The following ZNF239 variants were observed in gnomAD, a reference collection of about 807,000 sequenced individuals.
The protein encoded by ZNF239 is zinc finger protein (C2H2) homologous to mouse MOK-2.
In ZNF239, 16 loss-of-function variants were observed where a neutral mutation model predicts 27.5. The ratio of observed to expected loss-of-function variants is 0.58; its 90% CI spans 0.39 to 0.88. The LOEUF (loss-of-function observed/expected upper bound fraction) is 0.88, where lower values mean the gene tolerates loss of function less well. Ranked by LOEUF, ZNF239 falls within the 40% of genes least tolerant of loss-of-function variation. The probability of loss-of-function intolerance (pLI) is 0.00; values close to 1 mark genes in which losing one functional copy is unlikely to be tolerated. For synonymous variants in ZNF239, 199 were observed against 192.6 expected (o/e 1.03, Z -0.27); for missense variants, 527 against 551.9 (o/e 0.95, Z 0.45).
intron 2 of ZNF239, among the ~76,000 whole-genome samples, chr10:43,571,301 AC>A (rs1272213112): frequency 6.7e-6 from 1 of 148,970 alleles, no homozygotes; most frequent in East Asian, 2.0e-4. Flanking sequence ...AGGAAGAGGC[AC>A]ACTAGATTAC....
At position 43,557,868 on chromosome 10, in the gene ZNF239, T is replaced by A. The variant is rs1175197812; in HGVS notation, c.212A>T (p.Gln71Leu). 6.2e-7 allele frequency: 1 copy of A among 1,614,254 alleles called. No homozygotes were observed. Among genetic ancestry groups the A allele is most frequent in the Admixed American group, 1.7e-5 (1 of 60,036 alleles). The change falls in exon 4 of 4, where the codon CAA becomes CTA. Residue 71 changes from glutamine (Q) to leucine (L), a missense_variant. Gln to Leu is a moderately radical substitution (Grantham distance 113). Coordinates refer to ENST00000374446, the MANE Select transcript of ZNF239 (RefSeq NM_001099282.2). Reference sequence around the variant, plus strand: ...CACTGAAGAGTCTTGTGTGTCTATTTGGCTTGAGACTTTCAAAGGCAAATA... The same window carrying A: ...CACTGAAGAGTCTTGTGTGTCTATTAGGCTTGAGACTTTCAAAGGCAAATA... ...ETYLPLKVSS[Q>L]IDTQDSSVKF...
chr10:43,564,599 T>G (rs1333599160), intron 3 of ZNF239, among the ~76,000 whole-genome samples: 1 of 152,104 alleles, frequency 6.6e-6, no homozygotes, highest in Non-Finnish European at 1.5e-5. Flanking sequence ...TGGAGAATTT[T>G]GCTCTCTGAA....
chr10:43,573,592 A>G (rs892004414), intron 2 of ZNF239, 45 bp downstream of exon 2: 29 of 984,554 alleles, frequency 2.9e-5, no homozygotes, highest in Non-Finnish European at 3.3e-5. Context: ...GCACAGGGAC[A>G]TTTCAGGGAG....
chr10:43,567,198 C>A (rs1837724682), intron 3 of ZNF239, among the ~76,000 whole-genome samples: 1 of 152,122 alleles, frequency 6.6e-6, no homozygotes, highest in Non-Finnish European at 1.5e-5. Flanking sequence ...ATGAGAGTGT[C>A]TCACCATGAA....
chr10:43,561,574 C>T (rs543138436), intron 3 of ZNF239, among the ~76,000 whole-genome samples: 2 of 152,092 alleles, frequency 1.3e-5, no homozygotes, highest in Non-Finnish European at 2.9e-5. Flanking sequence ...CTTTCAGACA[C>T]GAAAAGATTC....
chr10:43,556,693 C>CTA lies in ZNF239; in HGVS notation c.*8_*9dup, dbSNP rs758244808. 1 of 1,609,886 alleles carries CTA rather than the reference C, an allele frequency of 6.2e-7. No homozygotes were observed. Among genetic ancestry groups the CTA allele is most frequent in the Non-Finnish European group, 8.5e-7 (1 of 1,177,858 alleles). On this transcript the variant is annotated 3_prime_UTR_variant, in exon 4 of 4. Transcript: ENST00000374446. ...TGAGCGCTGTGAAGACCTGAATGGG[C>CTA]TAATGTCAGTTAGCGAGGATCTTTC...
chr10:43,565,147 G>C (rs181074918), intron 3 of ZNF239, among the ~76,000 whole-genome samples: 55 of 152,104 alleles, frequency 3.6e-4, no homozygotes, highest in Non-Finnish European at 6.8e-4. Context: ...GCAGTGGCAC[G>C]ATCTCGGCTC....
At chr10:43,563,491 C>T (rs919418732) in intron 3 of ZNF239, among the ~76,000 whole-genome samples, 1 of 152,082 alleles carries the variant, frequency 6.6e-6, no homozygotes, top group Non-Finnish European at 1.5e-5. Context: ...AATTTTAATA[C>T]ATATACTTGT....
At chr10:43,562,701 A>C (rs1837344414) in intron 3 of ZNF239, among the ~76,000 whole-genome samples, 1 of 152,256 alleles carries the variant, frequency 6.6e-6, no homozygotes, top group Non-Finnish European at 1.5e-5. Flanking sequence ...GAATGTTTTT[A>C]CTATGAGCTG....
rs756162669 is a variant in ZNF239, at chr10:43,557,004, C to T, written c.1076G>A (p.Ser359Asn). 3.8e-5 allele frequency: 61 copies of T among 1,613,960 alleles called. No individual in the cohort carries two copies. Among genetic ancestry groups the T allele is most frequent in the Non-Finnish European group, 4.9e-5 (58 of 1,180,024 alleles). The change falls in exon 4 of 4, where the codon AGC becomes AAC. Residue 359 changes from serine (S) to asparagine (N), a missense_variant. Physicochemically the swap from Ser to Asn is conservative, Grantham distance 46. Transcript: ENST00000374446. ...CGECGKGFSQ[S>N]SNLHIHRCIH... ...GCACCGGTGAATGTGAAGGTTCGAG[C>T]TCTGACTGAAGCCCTTCCCACACTC...
At chr10:43,574,449 G>C (rs1186521964) in intron 1 of ZNF239, 91 bp downstream of exon 1, 3 of 152,260 alleles carry the variant, frequency 2.0e-5, no homozygotes, top group Non-Finnish European at 4.4e-5. Flanking sequence ...GGCTTCCGCA[G>C]CTCGGCGGCC....
In ZNF239 at chr10:43,557,402, CTGA is replaced by C. The variant is rs1239329863; in HGVS notation, c.675_677del (p.His225del). On this transcript the variant is annotated inframe_deletion, in exon 4 of 4. Coordinates refer to ENST00000374446, the MANE Select transcript of ZNF239 (RefSeq NM_001099282.2). ...AGGGTTTTTCTTCTGTGTGGTCTCT[CTGA>C]TGAAGTAGTAGCTCTGAGCTTTGAC... The C allele has an allele frequency of 1.2e-6, 2 of 1,614,202 alleles. No homozygotes were observed. Among genetic ancestry groups the C allele is most frequent in the Admixed American group, 1.7e-5 (1 of 60,020 alleles).
chr10:43,561,716 G>C (rs906080705), intron 3 of ZNF239, among the ~76,000 whole-genome samples: 6 of 152,214 alleles, frequency 3.9e-5, no homozygotes, highest in African/African-American at 1.4e-4. Context: ...AGGCATGGTG[G>C]TTCATGTCTG....
Position 43,560,633 on chromosome 10 carries a change from G to C in ZNF239, c.-92-2462C>G, listed in dbSNP as rs1209328516. On this transcript the variant is annotated intron_variant, in intron 3 of 3. Coordinates refer to ENST00000374446, the MANE Select transcript of ZNF239 (RefSeq NM_001099282.2). ...CCAAAATAAAACCTCAGCTAGCTCTGCCAACTGTCAAAAAAAAAAAAAAAA... is the reference window on the plus strand; with the variant it reads ...CCAAAATAAAACCTCAGCTAGCTCTCCCAACTGTCAAAAAAAAAAAAAAAA... Among the ~76,000 whole-genome samples, 39 of 99,384 alleles carry C rather than the reference G, an allele frequency of 3.9e-4. No individual in the cohort carries two copies. The East Asian group carries it at 9.7e-3, about 25-fold the overall frequency. The allele number at this position is 99,384 out of a possible 152,430, so 65.2% of individuals were successfully genotyped here. A position where few individuals can be genotyped will look rare whatever the true frequency, so the allele number is the denominator to read the frequency against.
intron 2 of ZNF239, 126 bp downstream of exon 2, chr10:43,573,511 T>A: frequency 1.8e-6 from 1 of 554,400 alleles, no homozygotes; most frequent in Non-Finnish European, 2.3e-6. Flanking sequence ...GTCCTTAGTA[T>A]CTTAATGTCC....
At position 43,557,840 on chromosome 10, in the gene ZNF239, C is replaced by G; in HGVS notation, c.240G>C (p.Lys80Asn). The change falls in exon 4 of 4, where the codon AAG (lysine) becomes AAC (asparagine). Residue 80 changes from lysine to asparagine, a missense_variant. Lys to Asn is a moderately conservative substitution (Grantham distance 94). Transcript: ENST00000374446. ...GATCCTGAGGCTCATTCTTACAGAA[C>G]TTCACTGAAGAGTCTTGTGTGTCTA... The part of the protein sequence containing the change: ...SQIDTQDSSV[K>N]FCKNEPQDHQ... 6.2e-7 allele frequency: 1 copy of G among 1,614,234 alleles called. No individual in the cohort carries two copies. Among genetic ancestry groups the G allele is most frequent in the Non-Finnish European group, 8.5e-7 (1 of 1,180,036 alleles).
intron 3 of ZNF239, among the ~76,000 whole-genome samples, chr10:43,565,626 T>G (rs1316281803): frequency 6.6e-6 from 1 of 151,662 alleles, no homozygotes; most frequent in Non-Finnish European, 1.5e-5. Context: ...CCAGCCTGGC[T>G]AACATGGTGA....
chr10:43,568,130 T>A (rs1837800595), intron 2 of ZNF239, 109 bp from the exon 3 acceptor site: 1 of 985,458 alleles, frequency 1.0e-6, no homozygotes, highest in Non-Finnish European at 1.2e-6. Context: ...ATAGAAGAAG[T>A]TTGCAGCTCA....
chr10:43,567,286 C>T (rs755028311), intron 3 of ZNF239, among the ~76,000 whole-genome samples: 14 of 151,836 alleles, frequency 9.2e-5, no homozygotes, highest in Non-Finnish European at 1.9e-4. Flanking sequence ...TGGATATTGC[C>T]AGGCAGGGGG....
Sources: gnomAD v4.1 joint callset for allele counts (sites outside exome capture counted in the v4.1 genomes callset) on GRCh38, gnomAD v4.1.1 for gene constraint, MANE v1.5 for transcripts, NCBI Gene and HGNC (gene_info 2026-07-23, HGNC 2026-07-21) for gene names.